Variants in AOPEP observed in about 807,000 individuals in gnomAD.
AOPEP encodes aminopeptidase O.
In AOPEP, 77 loss-of-function variants were observed where a neutral mutation model predicts 98.1. The ratio of observed to expected loss-of-function variants is 0.78; its 90% CI spans 0.65 to 0.95. The LOEUF (loss-of-function observed/expected upper bound fraction) is 0.95. Ranked by LOEUF, AOPEP falls within the 40% of genes least tolerant of loss-of-function variation. The probability of loss-of-function intolerance (pLI) is 0.00; values close to 1 mark genes in which losing one functional copy is unlikely to be tolerated. For synonymous variants in AOPEP, 346 were observed against 365.3 expected, an observed-to-expected ratio of 0.95 and a Z score of 0.60; for missense variants, 1,024 against 1,024.7, an observed-to-expected ratio of 1.00 and a Z score of 0.01.
chr9:95,101,192 A>G, the AOPEP span: 1 of 253,750 alleles, frequency 3.9e-6, no homozygotes, highest in South Asian at 1.2e-4. Context: ...ACACAAGGGA[A>G]GCCTGAGGGA....
At chr9:94,919,659 A>T (rs559447731) in intron 5 of AOPEP, among the ~76,000 whole-genome samples, 2 of 152,282 alleles carry the variant, frequency 1.3e-5, no homozygotes, top group Admixed American at 6.5e-5. Context: ...AAGACAGGCT[A>T]TGAACCTAAG....
intron 3 of AOPEP, among the ~76,000 whole-genome samples, chr9:94,781,522 T>C (rs925854236): frequency 6.7e-6 from 1 of 149,732 alleles, no homozygotes; most frequent in Non-Finnish European, 1.5e-5. Flanking sequence ...TACATTATTA[T>C]TTTCTTCTAG....
At chr9:94,760,655 C>G (rs985044878) in intron 2 of AOPEP, 75 bp downstream of exon 2, 1 of 1,228,994 alleles carries the variant, frequency 8.1e-7, no homozygotes, top group Middle Eastern at 2.1e-4. Flanking sequence ...AAACATGAGA[C>G]CGGCTCTGCA....
chr9:95,086,156 C>A, intron 16 of AOPEP: 1 of 1,343,714 alleles, frequency 7.4e-7, no homozygotes, highest in South Asian at 1.2e-5. Flanking sequence ...GGGGCTCCCA[C>A]TCGCGGCAGA....
chr9:94,933,904 C>T (rs560877096), intron 7 of AOPEP, among the ~76,000 whole-genome samples: 109 of 152,140 alleles, frequency 7.2e-4, no homozygotes, highest in Non-Finnish European at 1.2e-3. Flanking sequence ...CCCGCCACCA[C>T]ACCACGGCTA....
chr9:94,879,322 A>G (rs1409475952), intron 5 of AOPEP, among the ~76,000 whole-genome samples: 1 of 152,248 alleles, frequency 6.6e-6, no homozygotes, highest in Non-Finnish European at 1.5e-5. Context: ...AGTTCAGCAT[A>G]TGTGCAGGAA....
At chr9:95,103,930 A>G in the AOPEP span, among the ~76,000 whole-genome samples, 16 of 152,336 alleles carry the variant, frequency 1.1e-4, no homozygotes, top group East Asian at 3.1e-3. Context: ...TTGAGCTGGC[A>G]CTGCTCTCCA....
At chr9:94,922,190 C>G (rs1239780208) in intron 5 of AOPEP, among the ~76,000 whole-genome samples, 1 of 152,148 alleles carries the variant, frequency 6.6e-6, no homozygotes, top group Non-Finnish European at 1.5e-5. Flanking sequence ...ATAAATGGGC[C>G]CTGGTGAGGC....
At chr9:95,073,513 G>A (rs867796093) in intron 14 of AOPEP, among the ~76,000 whole-genome samples, 2 of 151,564 alleles carry the variant, frequency 1.3e-5, no homozygotes, top group Non-Finnish European at 2.9e-5. Flanking sequence ...GGCCGGGCGC[G>A]GGGGCTCCCG....
chr9:95,085,915 C>T (rs934049734), intron 16 of AOPEP: 13 of 1,245,068 alleles, frequency 1.0e-5, no homozygotes, highest in Admixed American at 2.6e-5. Context: ...GGTGAACTCT[C>T]TCTTGTATTT....
intron 13 of AOPEP, among the ~76,000 whole-genome samples, chr9:95,041,679 T>C (rs1411118318): frequency 6.6e-6 from 1 of 152,198 alleles, no homozygotes. Context: ...GGGGTTATGT[T>C]ACTCATTAAC....
chr9:94,796,036 AAC>A (rs1846851954), intron 4 of AOPEP, among the ~76,000 whole-genome samples: 1 of 152,218 alleles, frequency 6.6e-6, no homozygotes, highest in African/African-American at 2.4e-5. Context: ...TGTCCTCTAT[AAC>A]ACAGATGTAG....
At chr9:94,816,521 C>T (rs1851732224) in intron 5 of AOPEP, among the ~76,000 whole-genome samples, 1 of 152,162 alleles carries the variant, frequency 6.6e-6, no homozygotes, top group Admixed American at 6.5e-5. Flanking sequence ...GGCCACCTCC[C>T]TAAGTGAGCA....
At chr9:95,129,075 G>C in the AOPEP span, among the ~76,000 whole-genome samples, 1 of 151,890 alleles carries the variant, frequency 6.6e-6, no homozygotes, top group Non-Finnish European at 1.5e-5. Context: ...GCTAATTTTT[G>C]TATTTTTAGT....
chr9:94,902,033 A>G (rs1420393383), intron 5 of AOPEP, among the ~76,000 whole-genome samples: 1 of 152,188 alleles, frequency 6.6e-6, no homozygotes, highest in Non-Finnish European at 1.5e-5. Context: ...AAGATTCTTC[A>G]TTTGTAATAA....
chr9:94,845,730 C>CA (rs1363061587), intron 5 of AOPEP, among the ~76,000 whole-genome samples: 1 of 151,834 alleles, frequency 6.6e-6, no homozygotes, highest in Non-Finnish European at 1.5e-5. Context: ...GATTTGGTGC[C>CA]ATTTGTTGAG....
At chr9:94,748,216 T>A (rs772156082) in intron 1 of AOPEP, among the ~76,000 whole-genome samples, 1 of 152,204 alleles carries the variant, frequency 6.6e-6, no homozygotes, top group African/African-American at 2.4e-5. Context: ...AGAATTCAGA[T>A]CATTCTGATA....
chr9:94,978,681 G>A (rs2059996687), intron 10 of AOPEP, among the ~76,000 whole-genome samples: 1 of 152,160 alleles, frequency 6.6e-6, no homozygotes, highest in Non-Finnish European at 1.5e-5. Flanking sequence ...CATTAGCCAA[G>A]GAAGACAAAA....
chr9:94,782,198 A>C (rs1337761684), intron 3 of AOPEP, among the ~76,000 whole-genome samples: 1 of 152,104 alleles, frequency 6.6e-6, no homozygotes, highest in Non-Finnish European at 1.5e-5. Context: ...TCAAAAAAAA[A>C]AGAAACAAAA....
Sources: gnomAD v4.1 joint callset for allele counts (sites outside exome capture counted in the v4.1 genomes callset) on GRCh38, gnomAD v4.1.1 for gene constraint, MANE v1.5 for transcripts, NCBI Gene and HGNC (gene_info 2026-07-23, HGNC 2026-07-21) for gene names.